The following OSBPL10 variants were observed in gnomAD, a reference collection of about 807,000 sequenced individuals.
OSBPL10 encodes the protein oxysterol binding protein like 10, also known as oxysterol-binding protein-related protein 10.
In OSBPL10, 49 loss-of-function variants were observed where a neutral mutation model predicts 81.7. The observed-to-expected ratio is 0.60, with a 90% CI of 0.48 to 0.76. OSBPL10 has a LOEUF of 0.76. Ranked by LOEUF, OSBPL10 falls within the 30% of genes least tolerant of loss-of-function variation. The pLI, the probability that OSBPL10 is intolerant of heterozygous loss-of-function variation, is 0.00. For synonymous variants in OSBPL10, 419 were observed against 383.6 expected (o/e 1.09, Z -1.08); for missense variants, 923 against 987.8 (o/e 0.93, Z 0.88).
intron 3 of OSBPL10, among the ~76,000 whole-genome samples, chr3:31,874,953 A>G (rs1169922267): frequency 6.6e-6 from 1 of 152,084 alleles, no homozygotes; most frequent in Non-Finnish European, 1.5e-5. Context: ...AAACAACTCT[A>G]AATTTCCATT....
chr3:31,849,596 A>G (rs1465300425), intron 3 of OSBPL10, among the ~76,000 whole-genome samples: 1 of 152,204 alleles, frequency 6.6e-6, no homozygotes, highest in East Asian at 1.9e-4. Flanking sequence ...TATATAACCA[A>G]AAAAATACCC....
chr3:31,785,292 AAAGTGTATAC>A (rs779009932), intron 4 of OSBPL10, among the ~76,000 whole-genome samples: 6 of 152,266 alleles, frequency 3.9e-5, no homozygotes, highest in Non-Finnish European at 7.3e-5. Flanking sequence ...ATAAAAATGA[AAAGTGTATAC>A]ATATACATAA....
intron 2 of OSBPL10, among the ~76,000 whole-genome samples, chr3:32,007,284 A>C (rs1042137249): frequency 5.3e-5 from 8 of 152,232 alleles, no homozygotes; most frequent in Non-Finnish European, 1.2e-4. Flanking sequence ...CATTTATTGT[A>C]AACATCCTAA....
intron 4 of OSBPL10, among the ~76,000 whole-genome samples, chr3:31,824,942 C>T (rs1445630104): frequency 6.6e-6 from 1 of 152,128 alleles, no homozygotes; most frequent in African/African-American, 2.4e-5. Flanking sequence ...AAGTATGGAA[C>T]ATTTCTGTTT....
intron 4 of OSBPL10, among the ~76,000 whole-genome samples, chr3:31,775,762 T>C (rs111690837): frequency 0.026 from 3,874 of 151,882 alleles, 75 homozygotes; most frequent in Middle Eastern, 0.034. Flanking sequence ...TAATCTGGAA[T>C]GACAGAGAAG....
At chr3:31,814,633 A>C (rs1438629103) in intron 4 of OSBPL10, among the ~76,000 whole-genome samples, 1 of 152,204 alleles carries the variant, frequency 6.6e-6, no homozygotes, top group Admixed American at 6.5e-5. Context: ...GGCATGGAAC[A>C]CATTCTCCTT....
chr3:31,963,881 C>T (rs563673686), intron 1 of OSBPL10, among the ~76,000 whole-genome samples: 2 of 152,052 alleles, frequency 1.3e-5, no homozygotes, highest in African/African-American at 4.8e-5. Context: ...TCAAGCCATC[C>T]TCCCACCTCA....
rs562619165 is a variant in OSBPL10, at chr3:32,030,816, C to T, written n.298+15675G>A. On this transcript the variant is annotated intron_variant and non_coding_transcript_variant, in intron 2 of 3. Transcript: ENST00000479173. ...TTTCTCCAACAGCAATTCCTTATCT[C>T]AAGGGAATGATAAGATTACATGAAA... 211 of 548,120 alleles carry T rather than the reference C, an allele frequency of 3.8e-4. 1 individual carries two copies. The highest frequency in any genetic ancestry group is 3.6e-3 in the African/African-American group (190 of 52,256). The allele number at this position is 548,120 out of a possible 1,614,324, so 34.0% of individuals were successfully genotyped here. A position where few individuals can be genotyped will look rare whatever the true frequency, so the allele number is the denominator to read the frequency against.
chr3:32,017,506 T>C (rs1379219819), intron 2 of OSBPL10, among the ~76,000 whole-genome samples: 1 of 150,868 alleles, frequency 6.6e-6, no homozygotes, highest in Non-Finnish European at 1.5e-5. Flanking sequence ...TGAGCTGAGA[T>C]TCAAAAAAAA....
At chr3:31,761,419 C>A (rs981747229) in intron 4 of OSBPL10, among the ~76,000 whole-genome samples, 1 of 150,562 alleles carries the variant, frequency 6.6e-6, no homozygotes, top group African/African-American at 2.4e-5. Context: ...TTGCAGTGAG[C>A]CAAGACCACA....
In OSBPL10 at chr3:31,815,588, TG is replaced by T. The variant is rs551079781; in HGVS notation, c.729+14451del. 5.0e-3 allele frequency among the ~76,000 whole-genome samples: 761 copies of T among 152,220 alleles called. 5 individuals carry two copies. The highest frequency in any genetic ancestry group is 8.0e-3 in the Non-Finnish European group (543 of 68,026). On this transcript the variant is annotated intron_variant, in intron 4 of 11. Transcript: ENST00000396556. The stretch of plus-strand genomic sequence containing the variant: ...AACTTTAGAATGCCCAAGCATCTAA[TG>T]GGGGTGGAAAGATGGGAATGACCAA...
chr3:31,818,960 G>A (rs1349561139), intron 4 of OSBPL10, among the ~76,000 whole-genome samples: 3 of 152,236 alleles, frequency 2.0e-5, no homozygotes, highest in South Asian at 2.1e-4. Context: ...CTGAGACACT[G>A]CCGTGTTACT....
intron 5 of OSBPL10, among the ~76,000 whole-genome samples, chr3:31,740,045 CTT>C (rs33919556): frequency 0.39 from 53,024 of 135,532 alleles, 9,809 homozygotes; most frequent in East Asian, 0.57. Flanking sequence ...ATGAATAATA[CTT>C]TTTTTTTTTT....
chr3:31,810,123 A>G (rs1011279260), intron 4 of OSBPL10, among the ~76,000 whole-genome samples: 9 of 152,090 alleles, frequency 5.9e-5, no homozygotes, highest in Non-Finnish European at 1.3e-4. Flanking sequence ...CACCCACCTC[A>G]GCCTCCCAAA....
chr3:31,748,151 G>C, intron 4 of OSBPL10, 31 bp from the exon 5 acceptor site: 2 of 1,578,212 alleles, frequency 1.3e-6, no homozygotes, highest in East Asian at 2.3e-5. Flanking sequence ...AAGGAGGTGA[G>C]GGGCGGAAGT....
chr3:31,727,527 T>A (rs1696846250), intron 6 of OSBPL10, among the ~76,000 whole-genome samples: 1 of 152,194 alleles, frequency 6.6e-6, no homozygotes, highest in African/African-American at 2.4e-5. Context: ...TTAAACTTGA[T>A]CAATGATATT....
intron 1 of OSBPL10, among the ~76,000 whole-genome samples, chr3:31,936,332 G>A (rs1226931994): frequency 1.3e-5 from 2 of 152,214 alleles, no homozygotes; most frequent in East Asian, 1.9e-4. Context: ...TGCATATTTT[G>A]TATTCAATCT....
chr3:31,954,057 C>CA (rs1201242201), intron 1 of OSBPL10, among the ~76,000 whole-genome samples: 1 of 152,230 alleles, frequency 6.6e-6, no homozygotes, highest in Non-Finnish European at 1.5e-5. Context: ...CAAAGCATGT[C>CA]AAAATCCTCA....
chr3:31,811,239 A>G (rs1699671090), intron 4 of OSBPL10, among the ~76,000 whole-genome samples: 1 of 152,140 alleles, frequency 6.6e-6, no homozygotes, highest in African/African-American at 2.4e-5. Context: ...GGGTCAGAGT[A>G]AAATGTTTTC....
Sources: allele counts gnomAD v4.1 joint callset (sites outside exome capture counted in the v4.1 genomes callset), GRCh38; gene constraint gnomAD v4.1.1; transcripts MANE v1.5; gene names NCBI Gene and HGNC (gene_info 2026-07-23, HGNC 2026-07-21).